SUGCT: variants seen among roughly 807,000 people sequenced by gnomAD.
SUGCT encodes succinyl-CoA:glutarate CoA-transferase.
SUGCT carries 41 observed loss-of-function variants against 55.0 expected under a neutral mutation model. The observed-to-expected ratio is 0.74, with a 90% CI of 0.58 to 0.97. The LOEUF (loss-of-function observed/expected upper bound fraction) is 0.97, where lower values mean the gene tolerates loss of function less well. SUGCT is among the 50% of genes least tolerant of loss of function. The pLI is 0.00. For synonymous variants in SUGCT, 187 were observed against 200.4 expected (o/e 0.93, Z 0.56); for missense variants, 568 against 547.8 (o/e 1.04, Z -0.37).
the SUGCT span, among the ~76,000 whole-genome samples, chr7:41,033,622 T>C: frequency 1.3e-5 from 2 of 152,190 alleles, no homozygotes; most frequent in Non-Finnish European, 1.5e-5. Flanking sequence ...GAGGTATGCA[T>C]GCAAATGTGC....
intron 12 of SUGCT, among the ~76,000 whole-genome samples, chr7:40,622,755 G>A (rs115356472): frequency 0.025 from 3,817 of 151,774 alleles, 157 homozygotes; most frequent in African/African-American, 0.089. Flanking sequence ...GCTGGCTGTC[G>A]GGGTGGGAAG....
At chr7:40,984,354 C>A in the SUGCT span, among the ~76,000 whole-genome samples, 1 of 151,946 alleles carries the variant, frequency 6.6e-6, no homozygotes, top group African/African-American at 2.4e-5. Context: ...ATCCTAACTG[C>A]AACCCTCTAA....
chr7:40,849,619 A>G (rs1316778655), intron 13 of SUGCT, among the ~76,000 whole-genome samples: 2 of 152,200 alleles, frequency 1.3e-5, no homozygotes, highest in African/African-American at 2.4e-5. Flanking sequence ...GAACCTGTAT[A>G]TAGCTAGAGT....
At chr7:40,176,544 T>A (rs1184766460) in intron 1 of SUGCT, among the ~76,000 whole-genome samples, 1 of 152,184 alleles carries the variant, frequency 6.6e-6, no homozygotes, top group African/African-American at 2.4e-5. Context: ...TATGCCTTTC[T>A]GCCCCTTCCC....
At chr7:40,245,429 T>TA (rs1562607447) in intron 7 of SUGCT, among the ~76,000 whole-genome samples, 679 of 22,912 alleles carry the variant, frequency 0.03, 88 homozygotes, top group South Asian at 0.095. Flanking sequence ...ATATATTTTT[T>TA]TTTTTTTTTT....
intron 9 of SUGCT, among the ~76,000 whole-genome samples, chr7:40,427,473 T>G (rs1787647294): frequency 6.6e-6 from 1 of 152,212 alleles, no homozygotes; most frequent in Admixed American, 6.5e-5. Flanking sequence ...CTGTTTATTT[T>G]TCAGTGATTA....
intron 11 of SUGCT, among the ~76,000 whole-genome samples, chr7:40,482,348 G>A (rs1038245421): frequency 2.6e-5 from 4 of 151,874 alleles, no homozygotes; most frequent in African/African-American, 9.7e-5. Flanking sequence ...ATATACATTT[G>A]TTACAGAATC....
At chr7:40,647,210 T>G (rs1800562654) in intron 12 of SUGCT, among the ~76,000 whole-genome samples, 1 of 152,206 alleles carries the variant, frequency 6.6e-6, no homozygotes, top group African/African-American at 2.4e-5. Context: ...TTGAAGGATA[T>G]CAAAGAATAT....
chr7:40,787,660 C>CAAAAAAAAAAAAAAAAAAAA (rs55764379), intron 13 of SUGCT, among the ~76,000 whole-genome samples: 1 of 48,416 alleles, frequency 2.1e-5, no homozygotes, highest in Non-Finnish European at 4.1e-5. Flanking sequence ...AAATTTTGAC[C>CAAAAAAAAAAAAAAAAAAAA]AAAAAAAAAA....
chr7:40,962,006 T>C, the SUGCT span, among the ~76,000 whole-genome samples: 1 of 152,166 alleles, frequency 6.6e-6, no homozygotes, highest in African/African-American at 2.4e-5. Flanking sequence ...GGGACCCAAG[T>C]GGGTTGCCCA....
chr7:40,645,246 T>C lies in SUGCT; in HGVS notation c.1090-104188T>C, dbSNP rs114664551. On this transcript the variant is annotated intron_variant, in intron 12 of 13. Coordinates refer to ENST00000335693, the MANE Select transcript of SUGCT (RefSeq NM_001193313.2). ...AAATGTCCTCATCGCTCTTAGGGAG[T>C]TGGACAAGGAGATCAGAGCCTCATT... Among the ~76,000 whole-genome samples, 1,453 of 152,090 alleles carry C rather than the reference T, an allele frequency of 9.6e-3. 16 individuals carry two copies. Among genetic ancestry groups the C allele is most frequent in the East Asian group, 0.031 (159 of 5,150 alleles).
At chr7:40,239,314 C>T (rs951251622) in intron 7 of SUGCT, among the ~76,000 whole-genome samples, 3 of 152,150 alleles carry the variant, frequency 2.0e-5, no homozygotes, top group Non-Finnish European at 4.4e-5. Flanking sequence ...CTCCTGGACT[C>T]ACGACATCTT....
chr7:40,459,152 CT>C lies in SUGCT; in HGVS notation c.942del (p.Arg315GlyfsTer20), dbSNP rs1562792531. 1 of 1,611,782 alleles carries C rather than the reference CT, an allele frequency of 6.2e-7. No homozygotes were observed. The highest frequency in any genetic ancestry group is 1.1e-5 in the South Asian group (1 of 90,986). ...TAATTCCAAGTATAAAACTAACCAC[CT>C]TCGGGTACACAATAGAAAAGAGCTT... is the stretch of plus-strand genomic sequence containing the variant. ...IDNSKYKTNH[L>X]RVHNRKELIK... On this transcript the variant is annotated frameshift_variant, in exon 11 of 14. Transcript: ENST00000335693. LOFTEE classifies it high-confidence loss of function.
At chr7:40,256,169 T>C (rs1323617856) in intron 7 of SUGCT, among the ~76,000 whole-genome samples, 5 of 152,162 alleles carry the variant, frequency 3.3e-5, no homozygotes, top group African/African-American at 1.2e-4. Context: ...AAGAGATGAT[T>C]TGCATGTCTC....
intron 12 of SUGCT, among the ~76,000 whole-genome samples, chr7:40,740,282 T>C (rs1787393549): frequency 6.6e-6 from 1 of 152,086 alleles, no homozygotes; most frequent in Non-Finnish European, 1.5e-5. Context: ...AGAAGTCATT[T>C]ATTAGTCCTA....
chr7:40,394,824 A>G (rs964488102), intron 9 of SUGCT, among the ~76,000 whole-genome samples: 2 of 152,180 alleles, frequency 1.3e-5, no homozygotes, highest in African/African-American at 4.8e-5. Context: ...TAATTAACAC[A>G]CTGTCCTCCA....
At chr7:40,520,927 T>C (rs551957513) in intron 12 of SUGCT, among the ~76,000 whole-genome samples, 6 of 152,300 alleles carry the variant, frequency 3.9e-5, no homozygotes, top group Admixed American at 6.5e-5. Context: ...TACTTTCTAA[T>C]ATTGTTTCTA....
intron 12 of SUGCT, among the ~76,000 whole-genome samples, chr7:40,736,229 A>G (rs953476424): frequency 6.9e-6 from 1 of 145,614 alleles, no homozygotes; most frequent in Non-Finnish European, 1.5e-5. Context: ...ATTATAATAT[A>G]TCAATATATA....
intron 9 of SUGCT, among the ~76,000 whole-genome samples, chr7:40,329,513 A>G (rs34616906): frequency 0.016 from 2,430 of 152,226 alleles, 36 homozygotes; most frequent in South Asian, 0.043. Context: ...TTTCACCTGG[A>G]AAGTATTTAC....
Sources: gnomAD v4.1 joint callset for allele counts (sites outside exome capture counted in the v4.1 genomes callset) on GRCh38, gnomAD v4.1.1 for gene constraint, MANE v1.5 for transcripts, NCBI Gene and HGNC (gene_info 2026-07-23, HGNC 2026-07-21) for gene names.